The following VPS53 variants were observed in gnomAD, a reference collection of about 807,000 sequenced individuals.
VPS53 encodes the protein VPS53 subunit of GARP complex, also known as vacuolar protein sorting-associated protein 53 homolog.
VPS53 carries 70 observed loss-of-function variants against 107.0 expected under a neutral mutation model. That is an observed-to-expected ratio of 0.65 (90% CI 0.54 to 0.80). VPS53 has a LOEUF of 0.80. Among genes scored for constraint, VPS53 ranks in the 30% least tolerant of loss-of-function variants. The pLI, the probability that VPS53 is intolerant of heterozygous loss-of-function variation, is 0.00. For synonymous variants in VPS53, 409 were observed against 393.3 expected (o/e 1.04, Z -0.47); for missense variants, 917 against 1,049.4 (o/e 0.87, Z 1.74).
At chr17:652,073 T>C (rs1357933116) in intron 7 of VPS53, among the ~76,000 whole-genome samples, 1 of 151,826 alleles carries the variant, frequency 6.6e-6, no homozygotes, top group East Asian at 1.9e-4. Context: ...CTCAGCTCAC[T>C]GCAACCTCCA....
chr17:605,003 G>A (rs1968498701), intron 11 of VPS53, among the ~76,000 whole-genome samples: 1 of 152,210 alleles, frequency 6.6e-6, no homozygotes, highest in Non-Finnish European at 1.5e-5. Context: ...GAAGGGCCAG[G>A]AAGGAAAAGC....
At chr17:699,254 A>T in intron 3 of VPS53, 77 bp downstream of exon 3, 1 of 1,230,126 alleles carries the variant, frequency 8.1e-7, no homozygotes, top group Non-Finnish European at 1.1e-6. Flanking sequence ...TCACAGAAAA[A>T]TGTGATCCAG....
At chr17:683,509 G>C (rs1335966708) in intron 4 of VPS53, among the ~76,000 whole-genome samples, 1 of 152,152 alleles carries the variant, frequency 6.6e-6, no homozygotes. Context: ...CGTGTTATAA[G>C]AAACACTAAA....
At chr17:602,290 C>T (rs1968364541) in intron 11 of VPS53, among the ~76,000 whole-genome samples, 1 of 152,234 alleles carries the variant, frequency 6.6e-6, no homozygotes, top group South Asian at 2.1e-4. Flanking sequence ...TGTCTTTTCC[C>T]TTCTGGCCTC....
intron 7 of VPS53, among the ~76,000 whole-genome samples, chr17:637,036 C>T (rs1970227096): frequency 6.6e-6 from 1 of 152,018 alleles, no homozygotes; most frequent in Admixed American, 6.6e-5. Context: ...GGCTGTGAAT[C>T]CATCTGGTCC....
intron 13 of VPS53, among the ~76,000 whole-genome samples, chr17:567,554 G>A (rs1192114015): frequency 4.0e-5 from 6 of 150,454 alleles, no homozygotes; most frequent in African/African-American, 1.2e-4. Context: ...AGGACAAAGT[G>A]CAGTGGCATG....
chr17:692,988 G>T (rs56682012), intron 4 of VPS53, among the ~76,000 whole-genome samples: 2 of 152,166 alleles, frequency 1.3e-5, no homozygotes, highest in Non-Finnish European at 2.9e-5. Context: ...ACAAAAATTA[G>T]CCAGGCGTGG....
chr17:544,034 G>GAA (rs1910978745), intron 17 of VPS53, among the ~76,000 whole-genome samples: 2 of 110,760 alleles, frequency 1.8e-5, no homozygotes, highest in Non-Finnish European at 3.1e-5. Flanking sequence ...AGGGAGGGAG[G>GAA]GAGGGAGGAA....
At chr17:546,701 A>G (rs1911224009) in intron 17 of VPS53, among the ~76,000 whole-genome samples, 1 of 152,182 alleles carries the variant, frequency 6.6e-6, no homozygotes, top group Admixed American at 6.5e-5. Context: ...TAATTAAAAA[A>G]GGAAAACAAG....
At chr17:545,238 G>A (rs1360282368) in intron 17 of VPS53, among the ~76,000 whole-genome samples, 2 of 152,190 alleles carry the variant, frequency 1.3e-5, no homozygotes, top group Non-Finnish European at 1.5e-5. Context: ...GGCCTGGCCT[G>A]CAGAAGGCTG....
chr17:672,736 C>T (rs1439805349), intron 4 of VPS53, among the ~76,000 whole-genome samples: 1 of 152,160 alleles, frequency 6.6e-6, no homozygotes, highest in East Asian at 1.9e-4. Flanking sequence ...AAAAAGATCA[C>T]TAGCTAGGGA....
intron 13 of VPS53, among the ~76,000 whole-genome samples, chr17:577,094 C>A (rs1345230811): frequency 6.6e-6 from 1 of 151,850 alleles, no homozygotes; most frequent in African/African-American, 2.4e-5. Flanking sequence ...GAGAACCTCC[C>A]TCAGAACCTA....
At chr17:636,058 A>C (rs532162339) in intron 7 of VPS53, among the ~76,000 whole-genome samples, 18 of 151,680 alleles carry the variant, frequency 1.2e-4, no homozygotes, top group African/African-American at 3.2e-4. Flanking sequence ...TTGTTTGTAT[A>C]CTCTTTTATT....
intron 13 of VPS53, among the ~76,000 whole-genome samples, chr17:571,893 C>A (rs1367482728): frequency 2.6e-5 from 4 of 152,194 alleles, no homozygotes; most frequent in Non-Finnish European, 4.4e-5. Context: ...CGGCTCGCTA[C>A]AACCTCCACC....
At position 618,891 on chromosome 17, in the gene VPS53, C is replaced by A. The variant is rs369536101; in HGVS notation, c.1116+4642G>T. Reference sequence around the variant, plus strand: ...GGGTAGCTGGGACTACAGGCGCCCACCACGCCTGCTAATATTTTCTGGGTA... The same window carrying A: ...GGGTAGCTGGGACTACAGGCGCCCAACACGCCTGCTAATATTTTCTGGGTA... On this transcript the variant is annotated intron_variant, in intron 11 of 21. Transcript: ENST00000437048. Among the ~76,000 whole-genome samples the A allele has an allele frequency of 1.6e-4, 24 of 151,468 alleles. No homozygotes were observed. The East Asian group carries it at 3.5e-3, about 22-fold the overall frequency.
chr17:567,747 G>T (rs909942810), intron 13 of VPS53, among the ~76,000 whole-genome samples: 3 of 152,084 alleles, frequency 2.0e-5, no homozygotes, highest in Non-Finnish European at 2.9e-5. Flanking sequence ...AAATTAGTTA[G>T]GCATGGTGGT....
chr17:627,346 C>T, intron 9 of VPS53, 30 bp from the exon 10 acceptor site: 1 of 1,602,858 alleles, frequency 6.2e-7, no homozygotes, highest in Non-Finnish European at 8.5e-7. Flanking sequence ...AAAGCCACCC[C>T]AGTGGTTAGA....
At chr17:632,724 T>C (rs961720444) in intron 7 of VPS53, 6 of 456,310 alleles carry the variant, frequency 1.3e-5, no homozygotes, top group Admixed American at 2.3e-5. Flanking sequence ...GAGTTTACTT[T>C]GAAAATGTTT....
chr17:616,117 T>C (rs1969122728), intron 11 of VPS53: 1 of 152,260 alleles, frequency 6.6e-6, no homozygotes, highest in African/African-American at 2.4e-5. Context: ...ATAGGGCTTC[T>C]GTTGCCTTCC....
Sources: gnomAD v4.1 joint callset for allele counts (sites outside exome capture counted in the v4.1 genomes callset) on GRCh38, gnomAD v4.1.1 for gene constraint, MANE v1.5 for transcripts, NCBI Gene and HGNC (gene_info 2026-07-23, HGNC 2026-07-21) for gene names.